Variants in ASAP2 observed in about 807,000 individuals in gnomAD.
ASAP2 encodes arf-GAP with SH3 domain, ANK repeat and PH domain-containing protein 2.
A neutral mutation model predicts 131.4 loss-of-function variants in ASAP2; 45 were observed. The ratio of observed to expected loss-of-function variants is 0.34; its 90% CI spans 0.27 to 0.44. The LOEUF (loss-of-function observed/expected upper bound fraction) is 0.44. Ranked by LOEUF, ASAP2 falls within the 20% of genes least tolerant of loss-of-function variation. The pLI, the probability that ASAP2 is intolerant of heterozygous loss-of-function variation, is 1.00. For missense variants in ASAP2, 1,011 were observed against 1,297.0 expected (o/e 0.78, Z 3.39); for synonymous variants, 510 against 503.0 (o/e 1.01, Z -0.19).
chr2:9,353,461 A>G (rs1212663383), intron 12 of ASAP2, among the ~76,000 whole-genome samples: 1 of 152,000 alleles, frequency 6.6e-6, no homozygotes, highest in African/African-American at 2.4e-5. Flanking sequence ...GGGAGCTGAG[A>G]TGGGAGGATC....
chr2:9,308,178 A>G (rs1306534519), intron 3 of ASAP2, among the ~76,000 whole-genome samples: 1 of 152,240 alleles, frequency 6.6e-6, no homozygotes, highest in African/African-American at 2.4e-5. Flanking sequence ...TTACGGTTCC[A>G]CAGGCTGTAG....
chr2:9,233,334 GAGA>G (rs1663298491), intron 1 of ASAP2, among the ~76,000 whole-genome samples: 1 of 152,260 alleles, frequency 6.6e-6, no homozygotes, highest in Non-Finnish European at 1.5e-5. Context: ...AGGTCCAGAT[GAGA>G]AGGTTACCTT....
intron 1 of ASAP2, among the ~76,000 whole-genome samples, chr2:9,230,497 T>C (rs1663083446): frequency 6.6e-6 from 1 of 152,138 alleles, no homozygotes; most frequent in Non-Finnish European, 1.5e-5. Flanking sequence ...TCCCCAGTGG[T>C]CAGCCCCACA....
chr2:9,381,913 C>G (rs1018281130), intron 20 of ASAP2, among the ~76,000 whole-genome samples: 3 of 151,220 alleles, frequency 2.0e-5, no homozygotes, highest in African/African-American at 7.3e-5. Flanking sequence ...ATAATAAATG[C>G]TATACAAGTG....
chr2:9,236,289 G>T (rs907884493), intron 1 of ASAP2, among the ~76,000 whole-genome samples: 1 of 152,096 alleles, frequency 6.6e-6, no homozygotes, highest in African/African-American at 2.4e-5. Flanking sequence ...CAAGTGCCAC[G>T]AAGTAAAGAT....
At chr2:9,277,414 A>G (rs550198954) in intron 1 of ASAP2, among the ~76,000 whole-genome samples, 15 of 152,328 alleles carry the variant, frequency 9.8e-5, no homozygotes, top group African/African-American at 3.6e-4. Flanking sequence ...CCCCTTTTGT[A>G]TCTTGAAGGA....
intron 2 of ASAP2, among the ~76,000 whole-genome samples, chr2:9,280,122 C>T (rs1216928399): frequency 1.3e-5 from 2 of 152,154 alleles, no homozygotes; most frequent in Non-Finnish European, 2.9e-5. Context: ...GGGAGCTTGC[C>T]CGTGCTCAGG....
At chr2:9,299,186 G>A (rs6753873) in intron 3 of ASAP2, among the ~76,000 whole-genome samples, 146 of 152,232 alleles carry the variant, frequency 9.6e-4, no homozygotes, top group African/African-American at 3.3e-3. Context: ...AAGTTGAGAG[G>A]CTCACAAGTA....
At chr2:9,363,825 C>T (rs77048896) in intron 15 of ASAP2, among the ~76,000 whole-genome samples, 4,181 of 152,300 alleles carry the variant, frequency 0.027, 153 homozygotes, top group East Asian at 0.095. Context: ...CTTCCAGCCT[C>T]GGCTTCCCAA....
In ASAP2 at chr2:9,253,578, C is replaced by G. The variant is rs558925133; in HGVS notation, c.127-25739C>G. Among the ~76,000 whole-genome samples the G allele has an allele frequency of 3.8e-4, 58 of 152,310 alleles. 1 individual carries two copies. Among genetic ancestry groups the G allele is most frequent in the African/African-American group, 1.2e-3 (50 of 41,570 alleles). ...AGAACTCCCCTCTTCAGTTGGTTCC[C>G]CCATTCCTGCCTCCTGTCATCTCTG... On this transcript the variant is annotated intron_variant, in intron 1 of 27. Coordinates refer to ENST00000281419, the MANE Select transcript of ASAP2 (RefSeq NM_003887.3).
intron 12 of ASAP2, among the ~76,000 whole-genome samples, chr2:9,351,657 C>G (rs1397478680): frequency 6.6e-6 from 1 of 152,200 alleles, no homozygotes; most frequent in African/African-American, 2.4e-5. Flanking sequence ...CGGTGCTGTT[C>G]TCTGTGCCTC....
At chr2:9,347,694 G>T (rs1377376950) in intron 11 of ASAP2, among the ~76,000 whole-genome samples, 1 of 152,138 alleles carries the variant, frequency 6.6e-6, no homozygotes, top group African/African-American at 2.4e-5. Context: ...CTGTTTTCTG[G>T]CCCTAGGAAG....
intron 1 of ASAP2, among the ~76,000 whole-genome samples, chr2:9,276,260 T>A (rs1666753005): frequency 6.6e-6 from 1 of 151,922 alleles, no homozygotes; most frequent in Non-Finnish European, 1.5e-5. Flanking sequence ...ATCGTGGAGG[T>A]GGCAAGGCAT....
Position 9,315,526 on chromosome 2 carries a change from TAGG to T in ASAP2, c.346-2996_346-2994del, listed in dbSNP as rs149746982. 8.0e-3 allele frequency among the ~76,000 whole-genome samples: 1,215 copies of T among 152,084 alleles called. 20 individuals carry two copies. The highest frequency in any genetic ancestry group is 0.028 in the African/African-American group (1,142 of 41,480). On this transcript the variant is annotated intron_variant, in intron 3 of 27. Coordinates refer to ENST00000281419, the MANE Select transcript of ASAP2 (RefSeq NM_003887.3). The stretch of plus-strand genomic sequence containing the variant: ...GAGGAGGGTGGGAGAGAGGGCTTTG[TAGG>T]AAGGAAGAGCATTGGAGGAAGGAGA...
intron 2 of ASAP2, among the ~76,000 whole-genome samples, chr2:9,285,719 T>C (rs1426330473): frequency 6.6e-6 from 1 of 152,226 alleles, no homozygotes; most frequent in African/African-American, 2.4e-5. Context: ...TTCATCTCTA[T>C]CAAGAAGGAA....
intron 2 of ASAP2, among the ~76,000 whole-genome samples, chr2:9,291,280 A>C (rs905408707): frequency 6.6e-6 from 1 of 152,232 alleles, no homozygotes; most frequent in African/African-American, 2.4e-5. Context: ...GATACACATT[A>C]GTAAATTGGA....
chr2:9,209,838 G>C (rs1344719961), intron 1 of ASAP2, among the ~76,000 whole-genome samples: 3 of 152,186 alleles, frequency 2.0e-5, no homozygotes, highest in African/African-American at 7.2e-5. Flanking sequence ...CACAGTGCTG[G>C]GATTACAGGC....
chr2:9,247,288 A>G (rs1664403956), intron 1 of ASAP2, among the ~76,000 whole-genome samples: 1 of 152,186 alleles, frequency 6.6e-6, no homozygotes, highest in African/African-American at 2.4e-5. Flanking sequence ...CTCCTCAATT[A>G]AGGAGACTGA....
chr2:9,357,908 T>C (rs1317076292), intron 14 of ASAP2, among the ~76,000 whole-genome samples: 1 of 152,222 alleles, frequency 6.6e-6, no homozygotes, highest in African/African-American at 2.4e-5. Flanking sequence ...ATTGTATTTA[T>C]GGGTTGTGAT....
Sources: allele counts gnomAD v4.1 joint callset (sites outside exome capture counted in the v4.1 genomes callset), GRCh38; gene constraint gnomAD v4.1.1; transcripts MANE v1.5; gene names NCBI Gene and HGNC (gene_info 2026-07-23, HGNC 2026-07-21).